The following POGLUT1 variants were observed in gnomAD, a reference collection of about 807,000 sequenced individuals.
POGLUT1 encodes the protein 9630046K23Rik.
A neutral mutation model predicts 61.3 loss-of-function variants in POGLUT1; 32 were observed. That is an observed-to-expected ratio of 0.52 (90% CI 0.39 to 0.70). The LOEUF is 0.70. POGLUT1 is among the 30% of genes least tolerant of loss of function. The pLI, the probability that POGLUT1 is intolerant of heterozygous loss-of-function variation, is 0.00. For synonymous variants in POGLUT1, 158 were observed against 158.2 expected (o/e 1.00, Z 0.01); for missense variants, 411 against 469.8 (o/e 0.87, Z 1.16).
chr3:119,473,548 T>C (rs2081501604), intron 3 of POGLUT1, among the ~76,000 whole-genome samples: 1 of 151,958 alleles, frequency 6.6e-6, no homozygotes, highest in Non-Finnish European at 1.5e-5. Flanking sequence ...AGGGACAAAA[T>C]ACGAATAGAA....
rs369438260 is a variant in POGLUT1 at position 119,493,146 on chromosome 3, CAAA to C, written c.*721_*723del. ...CTACTTCTTAATGCCTCTCTAAAGCCAAAAAAAAAAAAAAAGACAAAGCCTCTT... is the reference window on the plus strand; with the variant it reads ...CTACTTCTTAATGCCTCTCTAAAGCCAAAAAAAAAAAAGACAAAGCCTCTT... On this transcript the variant is annotated 3_prime_UTR_variant, in exon 11 of 11. Transcript: ENST00000295588. 4 of 140,438 alleles carry C rather than the reference CAAA, an allele frequency of 2.8e-5. No individual in the cohort carries two copies. Among genetic ancestry groups the C allele is most frequent in the African/African-American group, 2.7e-5 (1 of 37,676 alleles). The allele number at this position is 140,438 out of a possible 1,614,324, so 8.7% of individuals were successfully genotyped here.
At chr3:119,478,461 A>G (rs1376368836) in intron 4 of POGLUT1, 4 of 456,206 alleles carry the variant, frequency 8.8e-6, no homozygotes, top group East Asian at 6.9e-5. Context: ...AGAAGAACAG[A>G]TAGAGGCTCC....
Position 119,471,444 on chromosome 3 carries a change from C to T in POGLUT1, c.312C>T (p.Phe104=). The change falls in exon 3 of 11, where the codon TTC becomes TTT. Residue 104 remains phenylalanine, a synonymous_variant. Transcript: ENST00000295588. ...NRLYRENDCM[F]PSRCSGVEHF... ...TGTACCGGGAAAATGACTGCATGTT[C>T]CCCTCAAGGTAAGAGTTAACGAGGT... is the stretch of plus-strand genomic sequence containing the variant. 1 of 1,613,970 alleles carries T rather than the reference C, an allele frequency of 6.2e-7. No individual in the cohort carries two copies. The highest frequency in any genetic ancestry group is 2.2e-5 in the East Asian group (1 of 44,884).
intron 7 of POGLUT1, chr3:119,487,135 A>C: frequency 1.8e-6 from 1 of 569,414 alleles, no homozygotes. Context: ...TGACTAGTAT[A>C]TTGCACTACT....
intron 4 of POGLUT1, 22 bp from the exon 5 acceptor site, chr3:119,480,029 G>T (rs754787487): frequency 2.5e-6 from 4 of 1,612,172 alleles, no homozygotes; most frequent in South Asian, 1.1e-5. Context: ...GATTTAGGAC[G>T]ACCTGTCTGT....
At chr3:119,486,954 A>G (rs1172610010) in intron 7 of POGLUT1, 22 bp downstream of exon 7, 1 of 1,423,524 alleles carries the variant, frequency 7.0e-7, no homozygotes, top group East Asian at 2.3e-5. Flanking sequence ...TCATCTGACT[A>G]GAACTACAGC....
At chr3:119,475,944 G>C (rs2081531009) in intron 3 of POGLUT1, among the ~76,000 whole-genome samples, 1 of 142,908 alleles carries the variant, frequency 7.0e-6, no homozygotes, top group South Asian at 2.2e-4. Flanking sequence ...AACATACCAA[G>C]ACTGTCTCTC....
At position 119,492,756 on chromosome 3, in the gene POGLUT1, C is replaced by T. The variant is rs905273478; in HGVS notation, c.*318C>T. 6.0e-5 allele frequency: 10 copies of T among 166,722 alleles called. No homozygotes were observed. The highest frequency in any genetic ancestry group is 3.3e-4 in the East Asian group (2 of 6,122). 10.3% of individuals were successfully genotyped at this position (166,722 alleles called of 1,614,324 possible). A position where few individuals can be genotyped will look rare whatever the true frequency, so the allele number is the denominator to read the frequency against. On this transcript the variant is annotated 3_prime_UTR_variant, in exon 11 of 11. Coordinates refer to ENST00000295588, the MANE Select transcript of POGLUT1 (RefSeq NM_152305.3). ...CCTCAGATCATCCACCTGTGTGAGT[C>T]CATCACTGTGAAATTGACTGTGTCC...
Position 119,480,120 on chromosome 3 carries a change from A to G in POGLUT1, c.526A>G (p.Ile176Val), listed in dbSNP as rs769146700. ...FWEGGPAVWP[I>V]YPTGLGRWDL... is the part of the protein sequence containing the mutation. ...GGAAGGGGGACCTGCTGTTTGGCCAATTTATCCTACAGGTCTTGGACGGTG... is the reference window on the plus strand; with the variant it reads ...GGAAGGGGGACCTGCTGTTTGGCCAGTTTATCCTACAGGTCTTGGACGGTG... The change falls in exon 5 of 11, where the codon ATT becomes GTT. Residue 176 changes from isoleucine (I) to valine (V), a missense_variant. Ile to Val is a conservative substitution (Grantham distance 29). Transcript: ENST00000295588. 4.3e-6 allele frequency: 7 copies of G among 1,613,034 alleles called. No individual in the cohort carries two copies. The East Asian group carries it at 1.1e-4, about 26-fold the overall frequency.
chr3:119,469,778 C>G (rs1336792731), intron 1 of POGLUT1, 42 bp from the exon 2 acceptor site: 1 of 1,057,236 alleles, frequency 9.5e-7, no homozygotes, highest in Non-Finnish European at 1.5e-6. Flanking sequence ...AAATAACATT[C>G]AGGAAAATTT....
chr3:119,469,167 G>C, intron 1 of POGLUT1, 61 bp downstream of exon 1: 1 of 1,316,424 alleles, frequency 7.6e-7, no homozygotes, highest in Non-Finnish European at 1.1e-6. Flanking sequence ...GAGTCCCGAG[G>C]CGCTCCCCCG....
Position 119,491,452 on chromosome 3 carries a change from GTCTT to G in POGLUT1, c.966-62_966-59del, listed in dbSNP as rs1422556297. 13 of 709,280 alleles carry G rather than the reference GTCTT, an allele frequency of 1.8e-5. No homozygotes were observed. In the East Asian group the frequency reaches 3.1e-4, roughly 17 times the overall value. 43.9% of individuals were successfully genotyped at this position (709,280 alleles called of 1,614,324 possible). A position where few individuals can be genotyped will look rare whatever the true frequency, so the allele number is the denominator to read the frequency against. Reference sequence around the variant, plus strand: ...TTATCCATAGACCTCAATCTATATCGTCTTTCTGACTTAGTGCCAATGAAGTTGG... The same window carrying G: ...TTATCCATAGACCTCAATCTATATCGTCTGACTTAGTGCCAATGAAGTTGG... On this transcript the variant is annotated intron_variant, in intron 9 of 10. Coordinates refer to ENST00000295588, the MANE Select transcript of POGLUT1 (RefSeq NM_152305.3).
chr3:119,478,474 T>C, intron 4 of POGLUT1: 3 of 455,798 alleles, frequency 6.6e-6, no homozygotes, highest in South Asian at 4.7e-5. Context: ...GAGGCTCCCA[T>C]GTAAGTCAGT....
rs550921373 is a variant in POGLUT1 at position 119,493,946 on chromosome 3, T to A, written c.*1508T>A. ...CTTGTCACTGTGAGGCCCTACTAGG[T>A]GTAAGCATTCTCTCTGAATTTTAAT... On this transcript the variant is annotated 3_prime_UTR_variant, in exon 11 of 11. Coordinates refer to ENST00000295588, the MANE Select transcript of POGLUT1 (RefSeq NM_152305.3). 6.6e-6 allele frequency: 1 copy of A among 151,970 alleles called. No homozygotes were observed. Among genetic ancestry groups the A allele is most frequent in the Non-Finnish European group, 1.5e-5 (1 of 67,996 alleles). 9.4% of individuals were successfully genotyped at this position (151,970 alleles called of 1,614,324 possible). A position where few individuals can be genotyped will look rare whatever the true frequency, so the allele number is the denominator to read the frequency against.
At chr3:119,479,146 T>G (rs558281039) in intron 4 of POGLUT1, among the ~76,000 whole-genome samples, 3 of 152,088 alleles carry the variant, frequency 2.0e-5, no homozygotes, top group South Asian at 2.1e-4. Context: ...ACCAGGCTGA[T>G]TTCAAACTCC....
intron 4 of POGLUT1, chr3:119,478,187 T>C: frequency 2.8e-6 from 1 of 353,334 alleles, no homozygotes; most frequent in Non-Finnish European, 5.6e-6. Context: ...TAGAAGAGAG[T>C]GGATGGAAGA....
intron 3 of POGLUT1, among the ~76,000 whole-genome samples, chr3:119,475,981 C>CACACACACACAG (rs1553775805): frequency 1.1e-3 from 142 of 126,166 alleles, no homozygotes; most frequent in African/African-American, 4.5e-3. Context: ...CACACACACA[C>CACACACACACAG]ACACACACAC....
At chr3:119,471,891 C>T (rs1291741478) in intron 3 of POGLUT1, 1 of 205,324 alleles carries the variant, frequency 4.9e-6, no homozygotes, top group African/African-American at 2.4e-5. Context: ...GGTGGTGGCT[C>T]ACACCTGTGA....
chr3:119,470,002 A>C (rs2081451243), intron 2 of POGLUT1, 92 bp downstream of exon 2: 1 of 772,544 alleles, frequency 1.3e-6, no homozygotes, highest in Non-Finnish European at 2.3e-6. Context: ...TGCAGTGGTC[A>C]GAAAGGCAAG....
Sources: allele counts gnomAD v4.1 joint callset (sites outside exome capture counted in the v4.1 genomes callset), GRCh38; gene constraint gnomAD v4.1.1; transcripts MANE v1.5; gene names NCBI Gene and HGNC (gene_info 2026-07-23, HGNC 2026-07-21).